THBS2: variants seen among roughly 807,000 people sequenced by gnomAD.
THBS2 encodes the protein thrombospondin-2.
Under a neutral mutation model 135.2 loss-of-function variants are expected in THBS2, and 47 were observed. The ratio of observed to expected loss-of-function variants is 0.35; its 90% CI spans 0.28 to 0.44. The LOEUF is 0.44. Among genes scored for constraint, THBS2 ranks in the 20% least tolerant of loss-of-function variants. The pLI, the probability that THBS2 is intolerant of heterozygous loss-of-function variation, is 1.00. For synonymous variants in THBS2, 639 were observed against 633.8 expected, an observed-to-expected ratio of 1.01 and a Z score of -0.12; for missense variants, 1,288 against 1,603.1, an observed-to-expected ratio of 0.80 and a Z score of 3.36.
At chr6:169,245,997 C>T in intron 4 of THBS2, 200 bp downstream of exon 4, 1 of 428,134 alleles carries the variant, frequency 2.3e-6, no homozygotes, top group Non-Finnish European at 4.2e-6. Context: ...ACTGTTTAAT[C>T]AATTTATTAT....
chr6:169,223,037 G>T (rs988132226), intron 18 of THBS2, among the ~76,000 whole-genome samples: 3 of 152,140 alleles, frequency 2.0e-5, no homozygotes, highest in African/African-American at 4.8e-5. Flanking sequence ...AAATAAAATG[G>T]TTTACTGAAA....
At chr6:169,237,464 C>T in intron 8 of THBS2, 118 bp from the exon 9 acceptor site, 1 of 1,479,802 alleles carries the variant, frequency 6.8e-7, no homozygotes, top group Non-Finnish European at 9.3e-7. Context: ...GGAAGGAGAA[C>T]CCCTCCCATC....
chr6:169,234,714 C>A lies in THBS2; in HGVS notation c.1651+20G>T, dbSNP rs9393156. 6.7e-7 allele frequency: 1 copy of A among 1,503,330 alleles called. No individual in the cohort carries two copies. Among genetic ancestry groups the A allele is most frequent in the African/African-American group, 1.4e-5 (1 of 70,948 alleles). The allele number at this position is 1,503,330 out of a possible 1,614,324, so 93.1% of individuals were successfully genotyped here. On this transcript the variant is annotated intron_variant, in intron 10 of 21. Transcript: ENST00000617924. ...ATGGAAGCCCGGGTTTCAGTGCCCC[C>A]GCTTCTACCCCTCACTCACCCACGG...
Position 169,217,614 on chromosome 6 carries a change from T to C in THBS2, c.*208A>G. 1.9e-6 allele frequency: 1 copy of C among 527,110 alleles called. No homozygotes were observed. Among genetic ancestry groups the C allele is most frequent in the Non-Finnish European group, 3.4e-6 (1 of 296,160 alleles). 32.7% of individuals were successfully genotyped at this position (527,110 alleles called of 1,614,324 possible). On this transcript the variant is annotated 3_prime_UTR_variant, in exon 22 of 22. Coordinates refer to ENST00000617924, the MANE Select transcript of THBS2 (RefSeq NM_003247.5). ...CACCAAACTGGTTTCCTCTAGTGGG[T>C]TAGATGTTCATCTCTGAGTTCCATT...
chr6:169,248,480 G>T lies in THBS2; in HGVS notation c.546C>A (p.His182Gln). The change falls in exon 3 of 22, where the codon CAC becomes CAA. Residue 182 changes from histidine (H) to glutamine (Q), a missense_variant. Physicochemically the swap from His to Gln is conservative, Grantham distance 24. Transcript: ENST00000617924. ...ACATCCGGCTCTTTTCCGCCTGCAGGTGCTCGTAGAAGGGCTCGTCCAGAG... is the reference window on the plus strand; with the variant it reads ...ACATCCGGCTCTTTTCCGCCTGCAGTTGCTCGTAGAAGGGCTCGTCCAGAG... The part of the protein sequence containing the change: ...SFALDEPFYE[H>Q]LQAEKSRMYV... 2 of 1,613,556 alleles carry T rather than the reference G, an allele frequency of 1.2e-6. No individual in the cohort carries two copies. Among genetic ancestry groups the T allele is most frequent in the Non-Finnish European group, 1.7e-6 (2 of 1,179,590 alleles).
At chr6:169,219,269 G>C (rs376077780) in intron 21 of THBS2, among the ~76,000 whole-genome samples, 155 of 142,560 alleles carry the variant, frequency 1.1e-3, no homozygotes, top group African/African-American at 3.9e-3. Flanking sequence ...TGGGTGGGTG[G>C]ATGGATGGAT....
At position 169,231,972 on chromosome 6, in the gene THBS2, C is replaced by A; in HGVS notation, c.2151+8G>T. Reference sequence around the variant, plus strand: ...GGCCCCGTGTGCCCTGCGAGCCCCGCGCCTCACCTTGATGCAGTGGTAGGT... The same window carrying A: ...GGCCCCGTGTGCCCTGCGAGCCCCGAGCCTCACCTTGATGCAGTGGTAGGT... On this transcript the variant is annotated splice_region_variant and intron_variant, in intron 13 of 21. Transcript: ENST00000617924. 1 of 1,613,256 alleles carries A rather than the reference C, an allele frequency of 6.2e-7. No homozygotes were observed. The highest frequency in any genetic ancestry group is 1.7e-5 in the Admixed American group (1 of 60,002).
At position 169,252,681 on chromosome 6, in the gene THBS2, C is replaced by G. The variant is rs1052887825; in HGVS notation, c.-23+1043G>C. On this transcript the variant is annotated intron_variant, in intron 1 of 21. Coordinates refer to ENST00000617924, the MANE Select transcript of THBS2 (RefSeq NM_003247.5). This position sits in a 1 kb window ranked among gnomAD's most constrained non-coding sequence, Gnocchi z 4.3. ...GCAGCCAGGCTACCTGGCCTCAGCCCATCCAGGGACACCGGGCATGCATGG... is the reference window on the plus strand; with the variant it reads ...GCAGCCAGGCTACCTGGCCTCAGCCGATCCAGGGACACCGGGCATGCATGG... Among the ~76,000 whole-genome samples the G allele has an allele frequency of 6.6e-6, 1 of 152,150 alleles. No individual in the cohort carries two copies. Among genetic ancestry groups the G allele is most frequent in the African/African-American group, 2.4e-5 (1 of 41,444 alleles).
At chr6:169,247,118 T>G (rs73046016) in intron 3 of THBS2, among the ~76,000 whole-genome samples, 15,686 of 152,300 alleles carry the variant, frequency 0.1, 1,029 homozygotes, top group Non-Finnish European at 0.15. Context: ...TAGAAACATT[T>G]GAATAGGGTT....
At chr6:169,239,268 G>C (rs112282174) in intron 7 of THBS2, 7 of 376,700 alleles carry the variant, frequency 1.9e-5, no homozygotes, top group Non-Finnish European at 3.4e-5. Flanking sequence ...CACAGTCACA[G>C]ATCTACGTGT....
Position 169,239,658 on chromosome 6 carries a change from G to A in THBS2, c.1070C>T (p.Pro357Leu). The change falls in exon 7 of 22, where the codon CCT becomes CTT. Residue 357 changes from proline to leucine, a missense_variant. This residue lies in a region of THBS2 where 874 missense variants were observed against 1,156.1 expected (regional missense o/e 0.76). Coordinates refer to ENST00000617924, the MANE Select transcript of THBS2 (RefSeq NM_003247.5). ...AAAGGATGGACTGGCGCAGGTTGCAGGCGGGCAGGTGATTTGGTGGCAAAT... is the reference window on the plus strand; with the variant it reads ...AAAGGATGGACTGGCGCAGGTTGCAAGCGGGCAGGTGATTTGGTGGCAAAT... ...KTICHQITCP[P>L]ATCASPSFVE... is the part of the protein sequence containing the mutation. 4 of 1,605,178 alleles carry A rather than the reference G, an allele frequency of 2.5e-6. No individual in the cohort carries two copies. Among genetic ancestry groups the A allele is most frequent in the Non-Finnish European group, 3.4e-6 (4 of 1,176,366 alleles).
chr6:169,223,160 C>T, intron 18 of THBS2, 88 bp downstream of exon 18: 2 of 1,253,582 alleles, frequency 1.6e-6, no homozygotes, highest in Non-Finnish European at 1.1e-6. Flanking sequence ...GGCATCCCAC[C>T]TGCATGATCT....
At position 169,241,842 on chromosome 6, in the gene THBS2, C is replaced by T. The variant is rs769039736; in HGVS notation, c.811G>A (p.Glu271Lys). Residue 271 changes from glutamate to lysine, a missense_variant, in exon 5 of 22, where the codon GAG (glutamate) becomes AAG (lysine). Glu to Lys is a moderately conservative substitution (Grantham distance 56). This residue lies in a region of THBS2 where 414 missense variants were observed against 447.0 expected (regional missense o/e 0.93). Coordinates refer to ENST00000617924, the MANE Select transcript of THBS2 (RefSeq NM_003247.5). The surrounding 1 kb of genome is among the most constrained non-coding windows in gnomAD (Gnocchi z 5.5). ...TCCTGGACCATGTTTCCCAGCTCCT[C>T]GCACGAGCGTTCGCACACCTCGGGC... Reference protein sequence around the residue: ...RRPEVCERSCEELGNMVQELS... With the variant: ...RRPEVCERSCKELGNMVQELS... 12 of 1,612,604 alleles carry T rather than the reference C, an allele frequency of 7.4e-6. No homozygotes were observed. The Admixed American group carries it at 1.0e-4, about 13-fold the overall frequency.
rs1357436849 is a variant in THBS2 at position 169,216,432 on chromosome 6, A to AAAAAAC, written c.*1384_*1389dup. On this transcript the variant is annotated 3_prime_UTR_variant, in exon 22 of 22. Coordinates refer to ENST00000617924, the MANE Select transcript of THBS2 (RefSeq NM_003247.5). ...AGCAAAAAAACAAACCAACCAACAA[A>AAAAAAC]AAAAACAAAAACAAAAACAAACTTG... 1 of 152,192 alleles carries AAAAAAC rather than the reference A, an allele frequency of 6.6e-6. No homozygotes were observed. The highest frequency in any genetic ancestry group is 1.5e-5 in the Non-Finnish European group (1 of 68,044). 9.4% of individuals were successfully genotyped at this position (152,192 alleles called of 1,614,324 possible). A position where few individuals can be genotyped will look rare whatever the true frequency, so the allele number is the denominator to read the frequency against.
intron 17 of THBS2, among the ~76,000 whole-genome samples, chr6:169,224,384 C>A (rs140033265): frequency 3.3e-5 from 5 of 152,218 alleles, no homozygotes; most frequent in Admixed American, 6.5e-5. Flanking sequence ...TTGCTGTGCT[C>A]ACTCCATCCC....
chr6:169,232,861 C>T (rs778147699), intron 11 of THBS2, 29 bp downstream of exon 11: 6 of 1,605,562 alleles, frequency 3.7e-6, no homozygotes, highest in South Asian at 3.3e-5. Context: ...GACCTCAGGG[C>T]GCCCACAGCC....
chr6:169,217,923 AC>A, intron 21 of THBS2, 94 bp from the exon 22 acceptor site: 2 of 1,205,576 alleles, frequency 1.7e-6, no homozygotes, highest in Non-Finnish European at 2.3e-6. Context: ...AAATATAATT[AC>A]TTTAATTAAA....
chr6:169,248,859 C>G lies in THBS2; in HGVS notation c.167G>C (p.Arg56Pro). 1 of 1,611,940 alleles carries G rather than the reference C, an allele frequency of 6.2e-7. No individual in the cohort carries two copies. Among genetic ancestry groups the G allele is most frequent in the Non-Finnish European group, 8.5e-7 (1 of 1,180,014 alleles). Residue 56 changes from arginine to proline, a missense_variant, in exon 3 of 22, where the codon CGC becomes CCC. Arg to Pro is a moderately radical substitution (Grantham distance 103, BLOSUM62 -2). This residue lies in a region of THBS2 where 414 missense variants were observed against 447.0 expected (regional missense o/e 0.93). Coordinates refer to ENST00000617924, the MANE Select transcript of THBS2 (RefSeq NM_003247.5). ...TGGGATGTAGTCAAAGCGCACGAAGCGGTAAGCCGGCACGCCGGGGTCGGG... is the reference window on the plus strand; with the variant it reads ...TGGGATGTAGTCAAAGCGCACGAAGGGGTAAGCCGGCACGCCGGGGTCGGG... ...RGPDPGVPAYRFVRFDYIPPV... is the reference protein window; with the variant it reads ...RGPDPGVPAYPFVRFDYIPPV...
chr6:169,236,287 CTCATTCCCATCCACAG>C (rs1780059905), intron 9 of THBS2, among the ~76,000 whole-genome samples: 2 of 109,336 alleles, frequency 1.8e-5, no homozygotes, highest in Non-Finnish European at 2.0e-5. Context: ...CCCATCCACA[CTCATTCCCATCCACAG>C]TCACTCCCCA....
Sources: allele counts gnomAD v4.1 joint callset (sites outside exome capture counted in the v4.1 genomes callset), GRCh38; gene constraint gnomAD v4.1.1; regional missense constraint gnomAD v4.1.1; non-coding constraint Gnocchi (gnomAD v3.1); transcripts MANE v1.5; gene names NCBI Gene and HGNC (gene_info 2026-07-23, HGNC 2026-07-21).